Variants in PDE4D observed in about 807,000 individuals in gnomAD.
PDE4D encodes phosphodiesterase 4D.
PDE4D carries 24 observed loss-of-function variants against 87.4 expected under a neutral mutation model. The observed-to-expected ratio is 0.27, with a 90% CI of 0.20 to 0.39. The LOEUF is 0.39. PDE4D is among the 10% of genes least tolerant of loss of function. The probability of loss-of-function intolerance (pLI) is 1.00; values close to 1 mark genes in which losing one functional copy is unlikely to be tolerated. For synonymous variants in PDE4D, 384 were observed against 383.2 expected, an observed-to-expected ratio of 1.00 and a Z score of -0.02; for missense variants, 714 against 1,041.0, an observed-to-expected ratio of 0.69 and a Z score of 4.32.
At chr5:58,998,314 G>A (rs1749686696) in intron 6 of PDE4D, among the ~76,000 whole-genome samples, 1 of 152,074 alleles carries the variant, frequency 6.6e-6, no homozygotes, top group African/African-American at 2.4e-5. Flanking sequence ...CATAATCACA[G>A]TACAAATGTG....
intron 3 of PDE4D, among the ~76,000 whole-genome samples, chr5:59,975,143 C>G (rs1294219193): frequency 1.3e-5 from 2 of 152,144 alleles, no homozygotes; most frequent in Non-Finnish European, 2.9e-5. Context: ...TGACTTCTGC[C>G]AGTCCCTTTG....
intron 2 of PDE4D, among the ~76,000 whole-genome samples, chr5:60,003,726 A>G (rs2152840290): frequency 6.7e-6 from 1 of 148,874 alleles, no homozygotes; most frequent in Non-Finnish European, 1.5e-5. Context: ...AAAAAAAAAA[A>G]AGAAGAAGAA....
intron 1 of PDE4D, among the ~76,000 whole-genome samples, chr5:59,490,384 C>T (rs944572343): frequency 9.9e-5 from 15 of 152,086 alleles, no homozygotes; most frequent in African/African-American, 2.4e-4. Context: ...CAGTCAAATG[C>T]TTTCATATGC....
intron 1 of PDE4D, among the ~76,000 whole-genome samples, chr5:60,203,822 A>C (rs1337588168): frequency 6.6e-6 from 1 of 152,202 alleles, no homozygotes; most frequent in Non-Finnish European, 1.5e-5. Context: ...ATCCTATGCA[A>C]GGTAGGCTTT....
At position 60,082,348 on chromosome 5, in the gene PDE4D, G is replaced by T. The variant is rs565095259; in HGVS notation, c.43-93631C>A. 4.6e-5 allele frequency among the ~76,000 whole-genome samples: 7 copies of T among 152,272 alleles called. No individual in the cohort carries two copies. The South Asian group carries it at 1.2e-3, about 27-fold the overall frequency. On this transcript the variant is annotated intron_variant, in intron 2 of 16. Coordinates refer to the PDE4D transcript ENST00000502484. Reference sequence around the variant, plus strand: ...AAGAAGACACCCACCTGCAAACCAAGAGGAGTGCCCTCACTAGACATTGAA... The same window carrying T: ...AAGAAGACACCCACCTGCAAACCAATAGGAGTGCCCTCACTAGACATTGAA...
chr5:59,181,368 A>C (rs1741499065), intron 4 of PDE4D, among the ~76,000 whole-genome samples: 1 of 151,792 alleles, frequency 6.6e-6, no homozygotes, highest in South Asian at 2.1e-4. Flanking sequence ...TACAGAGCCT[A>C]GCACAATGCA....
intron 2 of PDE4D, among the ~76,000 whole-genome samples, chr5:60,026,960 C>T (rs1048938208): frequency 2.6e-5 from 4 of 152,134 alleles, no homozygotes; most frequent in South Asian, 4.1e-4. Context: ...GGTGACTTGT[C>T]CCAAAGTATA....
intron 1 of PDE4D, among the ~76,000 whole-genome samples, chr5:59,672,397 C>T (rs1747366867): frequency 6.6e-6 from 1 of 152,092 alleles, no homozygotes; most frequent in Non-Finnish European, 1.5e-5. Flanking sequence ...GTTTATATCA[C>T]CCACAAAACA....
chr5:60,422,391 G>T (rs1045745058), intron 1 of PDE4D, among the ~76,000 whole-genome samples: 2 of 152,050 alleles, frequency 1.3e-5, no homozygotes, highest in Admixed American at 1.3e-4. Flanking sequence ...GCCAATATTC[G>T]ACATTCTTAA....
chr5:60,288,776 A>G (rs1334459657), intron 1 of PDE4D, among the ~76,000 whole-genome samples: 4 of 152,214 alleles, frequency 2.6e-5, no homozygotes, highest in Admixed American at 6.5e-5. Context: ...GTTATTTTCA[A>G]TCGCATCAAA....
At chr5:60,234,036 GTTA>G (rs1746126780) in intron 1 of PDE4D, among the ~76,000 whole-genome samples, 1 of 151,716 alleles carries the variant, frequency 6.6e-6, no homozygotes, top group Non-Finnish European at 1.5e-5. Flanking sequence ...AATATTCAAA[GTTA>G]TGCAACCATC....
chr5:60,453,604 G>T (rs1359330687), intron 1 of PDE4D, among the ~76,000 whole-genome samples: 1 of 151,952 alleles, frequency 6.6e-6, no homozygotes, highest in Non-Finnish European at 1.5e-5. Flanking sequence ...TAGGTTTGTT[G>T]TACTGGTTGC....
intron 1 of PDE4D, among the ~76,000 whole-genome samples, chr5:60,380,069 A>C (rs886383512): frequency 6.6e-6 from 1 of 152,232 alleles, no homozygotes; most frequent in African/African-American, 2.4e-5. Flanking sequence ...ATGCTGGTTA[A>C]TTTTATGGTT....
chr5:60,461,416 G>C (rs977649987), intron 1 of PDE4D, among the ~76,000 whole-genome samples: 4 of 152,224 alleles, frequency 2.6e-5, no homozygotes, highest in African/African-American at 7.2e-5. Flanking sequence ...AGAGGAAAGT[G>C]CACCTAGCCC....
Position 59,561,750 on chromosome 5 carries a change from C to T in PDE4D, c.455+331418G>A, listed in dbSNP as rs559525653. Among the ~76,000 whole-genome samples the T allele has an allele frequency of 1.7e-4, 26 of 151,572 alleles. No homozygotes were observed. In the East Asian group the frequency reaches 5.1e-3, roughly 29 times the overall value. ...TTTGAGACCAGCCTGACCAACATGG[C>T]AAAAACCCGTCTCTACTAAAAATTC... On this transcript the variant is annotated intron_variant, in intron 1 of 14. Coordinates refer to ENST00000340635, the MANE Select transcript of PDE4D (RefSeq NM_001104631.2).
Position 58,972,571 on chromosome 5 carries a change from A to G in PDE4D, c.*2093T>C, listed in dbSNP as rs2153296078. ...GAAGTTCCACATATAAATGCTTTTC[A>G]GAGTTGTAATTCTTCTTAAACGTTT... On this transcript the variant is annotated 3_prime_UTR_variant, in exon 15 of 15. Coordinates refer to ENST00000340635, the MANE Select transcript of PDE4D (RefSeq NM_001104631.2). 1 of 152,302 alleles carries G rather than the reference A, an allele frequency of 6.6e-6. No individual in the cohort carries two copies. Among genetic ancestry groups the G allele is most frequent in the South Asian group, 2.1e-4 (1 of 4,826 alleles). 9.4% of individuals were successfully genotyped at this position (152,302 alleles called of 1,614,324 possible).
intron 5 of PDE4D, among the ~76,000 whole-genome samples, chr5:59,117,734 G>A (rs1355980290): frequency 2.6e-5 from 4 of 151,942 alleles, no homozygotes; most frequent in Non-Finnish European, 5.9e-5. Flanking sequence ...TGAACCAGTG[G>A]TAGCTTGGAA....
At chr5:60,345,790 G>A (rs1758705284) in intron 1 of PDE4D, among the ~76,000 whole-genome samples, 1 of 151,900 alleles carries the variant, frequency 6.6e-6, no homozygotes, top group African/African-American at 2.4e-5. Flanking sequence ...TTTTTCTCTA[G>A]GCTAGATTCC....
chr5:60,474,772 C>A (rs1483962738), intron 1 of PDE4D, among the ~76,000 whole-genome samples: 1 of 152,128 alleles, frequency 6.6e-6, no homozygotes, highest in East Asian at 1.9e-4. Context: ...TCCACAGGCT[C>A]ACCTTACCCC....
Sources: gnomAD v4.1 joint callset for allele counts (sites outside exome capture counted in the v4.1 genomes callset) on GRCh38, gnomAD v4.1.1 for gene constraint, MANE v1.5 for transcripts, NCBI Gene and HGNC (gene_info 2026-07-23, HGNC 2026-07-21) for gene names.